CDYL2: variants seen among roughly 807,000 people sequenced by gnomAD.
The protein encoded by CDYL2 is chromodomain Y like 2, also known as chromodomain Y-like protein 2.
Under a neutral mutation model 49.4 loss-of-function variants are expected in CDYL2, and 23 were observed. The ratio of observed to expected loss-of-function variants is 0.47; its 90% CI spans 0.34 to 0.66. The LOEUF (loss-of-function observed/expected upper bound fraction) is 0.66. Ranked by LOEUF, CDYL2 falls within the 30% of genes least tolerant of loss-of-function variation. The pLI is 0.01. For missense variants in CDYL2, 678 were observed against 656.4 expected (o/e 1.03, Z -0.36); for synonymous variants, 360 against 268.8 (o/e 1.34, Z -3.32).
intron 2 of CDYL2, among the ~76,000 whole-genome samples, chr16:80,672,383 C>A (rs1287491213): frequency 6.8e-6 from 1 of 147,482 alleles, no homozygotes; most frequent in East Asian, 2.0e-4. Context: ...GTAGAACAGG[C>A]TTTCCCTTTG....
At chr16:80,623,868 G>A (rs1490134687) in intron 3 of CDYL2, among the ~76,000 whole-genome samples, 1 of 152,146 alleles carries the variant, frequency 6.6e-6, no homozygotes, top group Admixed American at 6.5e-5. Flanking sequence ...TGATAGCAGT[G>A]TGGCTACGGG....
intron 2 of CDYL2, among the ~76,000 whole-genome samples, chr16:80,637,491 T>C (rs573446050): frequency 1.4e-3 from 208 of 152,224 alleles, no homozygotes; most frequent in African/African-American, 4.8e-3. Context: ...AAGACTTGTC[T>C]ACATAGAAAG....
Position 80,598,892 on chromosome 16 carries a change from G to C in CDYL2, c.*5496C>G, listed in dbSNP as rs537647828. 6.6e-6 allele frequency: 1 copy of C among 152,238 alleles called. No homozygotes were observed. The highest frequency in any genetic ancestry group is 1.9e-4 in the East Asian group (1 of 5,186). The allele number at this position is 152,238 out of a possible 1,614,324, so 9.4% of individuals were successfully genotyped here. ...AATCTATGAAACTCAGGCTTTGTTA[G>C]AATAATGGAATTCTTTGGTTCTCGG... On this transcript the variant is annotated 3_prime_UTR_variant, in exon 7 of 7. Coordinates refer to ENST00000570137, the MANE Select transcript of CDYL2 (RefSeq NM_152342.4).
rs1193600646 is a variant in CDYL2, at chr16:80,652,217, G to A, written c.617-18981C>T. 3.9e-5 allele frequency among the ~76,000 whole-genome samples: 6 copies of A among 152,126 alleles called. No individual in the cohort carries two copies. The East Asian group carries it at 1.2e-3, about 29-fold the overall frequency. ...CCTAGGAAACTCTGGAGCAATGGCT[G>A]ACTCTGTAAGTTTATAAGTGCCAGA... On this transcript the variant is annotated intron_variant, in intron 2 of 6. Transcript: ENST00000570137.
At chr16:80,615,207 C>T (rs544923189) in intron 4 of CDYL2, among the ~76,000 whole-genome samples, 241 of 152,314 alleles carry the variant, frequency 1.6e-3, no homozygotes, top group Admixed American at 2.4e-3. Context: ...AGTGGCCCAT[C>T]TCCTGACATC....
chr16:80,662,697 T>C (rs756262361), intron 2 of CDYL2: 14 of 455,008 alleles, frequency 3.1e-5, no homozygotes, highest in Middle Eastern at 3.7e-4. Flanking sequence ...CATATGGCTA[T>C]TGAAATTTTA....
At chr16:80,658,444 T>C (rs1908902508) in intron 2 of CDYL2, among the ~76,000 whole-genome samples, 1 of 152,166 alleles carries the variant, frequency 6.6e-6, no homozygotes, top group Non-Finnish European at 1.5e-5. Flanking sequence ...AGATAAATCT[T>C]GAACTCTTCT....
At chr16:80,678,980 G>A (rs994524875) in intron 2 of CDYL2, among the ~76,000 whole-genome samples, 1 of 150,832 alleles carries the variant, frequency 6.6e-6, no homozygotes, top group Non-Finnish European at 1.5e-5. Flanking sequence ...GATGAAACTG[G>A]AAATCATCAT....
At chr16:80,693,780 C>T (rs1446410371) in intron 1 of CDYL2, among the ~76,000 whole-genome samples, 1 of 152,098 alleles carries the variant, frequency 6.6e-6, no homozygotes, top group African/African-American at 2.4e-5. Flanking sequence ...TTGTCAAAAA[C>T]CACAGAGCTG....
intron 1 of CDYL2, among the ~76,000 whole-genome samples, chr16:80,706,197 G>A (rs9933809): frequency 0.077 from 11,735 of 152,284 alleles, 702 homozygotes; most frequent in African/African-American, 0.17. Context: ...CATTTTAAGA[G>A]GCATAAATCA....
At chr16:80,626,761 G>C (rs2142383593) in intron 3 of CDYL2, among the ~76,000 whole-genome samples, 1 of 152,168 alleles carries the variant, frequency 6.6e-6, no homozygotes, top group East Asian at 1.9e-4. Flanking sequence ...TGGAAGTTAG[G>C]GGGATACTGG....
At chr16:80,714,525 C>T (rs1904730617) in intron 1 of CDYL2, among the ~76,000 whole-genome samples, 2 of 152,050 alleles carry the variant, frequency 1.3e-5, no homozygotes. Context: ...AGGCTGCTGC[C>T]CACCTGGCTG....
chr16:80,719,277 G>T (rs113279143), intron 1 of CDYL2, among the ~76,000 whole-genome samples: 158 of 152,216 alleles, frequency 1.0e-3, no homozygotes, highest in African/African-American at 3.6e-3. Context: ...CCCGGAAGAG[G>T]CTGGGAGCAG....
rs1263421661 is a variant in CDYL2, at chr16:80,706,694, G to C, written c.25-21565C>G. On this transcript the variant is annotated intron_variant, in intron 1 of 6. Transcript: ENST00000570137. ...TCCACAAGTGTACAAGAAATGCCAAGAAGAATGAGATTGAGTCCAGGGACC... is the reference window on the plus strand; with the variant it reads ...TCCACAAGTGTACAAGAAATGCCAACAAGAATGAGATTGAGTCCAGGGACC... Among the ~76,000 whole-genome samples, 3 of 152,168 alleles carry C rather than the reference G, an allele frequency of 2.0e-5. No individual in the cohort carries two copies. In the South Asian group the frequency reaches 6.2e-4, roughly 32 times the overall value.
At position 80,804,583 on chromosome 16, in the gene CDYL2, G is replaced by C. The variant is rs1391153795; in HGVS notation, c.-410C>G. 6.9e-6 allele frequency among the ~76,000 whole-genome samples: 1 copy of C among 145,324 alleles called. No individual in the cohort carries two copies. Among genetic ancestry groups the C allele is most frequent in the Non-Finnish European group, 1.5e-5 (1 of 65,430 alleles). Reference sequence around the variant, plus strand: ...GCCGCCCGGCGCCCGCCGCCGGCCCGGACGCTGCTGCCACTGGGCGAGTCC... The same window carrying C: ...GCCGCCCGGCGCCCGCCGCCGGCCCCGACGCTGCTGCCACTGGGCGAGTCC... On this transcript the variant is annotated 5_prime_UTR_variant, in exon 1 of 7. Coordinates refer to ENST00000570137, the MANE Select transcript of CDYL2 (RefSeq NM_152342.4).
At chr16:80,642,273 T>C (rs1597143542) in intron 2 of CDYL2, among the ~76,000 whole-genome samples, 1 of 152,150 alleles carries the variant, frequency 6.6e-6, no homozygotes, top group East Asian at 1.9e-4. Flanking sequence ...TGAAACCCCA[T>C]CTCTACTAAA....
intron 3 of CDYL2, 38 bp from the exon 4 acceptor site, chr16:80,620,973 C>CT (rs1567543709): frequency 6.5e-7 from 1 of 1,535,908 alleles, no homozygotes; most frequent in Admixed American, 1.9e-5. Context: ...TGTTAAGTGT[C>CT]TATCCTGTAA....
chr16:80,654,798 A>C (rs1908734604), intron 2 of CDYL2, among the ~76,000 whole-genome samples: 1 of 152,220 alleles, frequency 6.6e-6, no homozygotes, highest in Non-Finnish European at 1.5e-5. Flanking sequence ...CCTTACCAAA[A>C]GCAATCAGGC....
Position 80,662,771 on chromosome 16 carries a change from G to A in CDYL2, c.616+21767C>T, listed in dbSNP as rs1040948849. 7.7e-5 allele frequency: 35 copies of A among 455,634 alleles called. No homozygotes were observed. In the Middle Eastern group the frequency reaches 9.7e-4, roughly 13 times the overall value. 28.2% of individuals were successfully genotyped at this position (455,634 alleles called of 1,614,324 possible). On this transcript the variant is annotated intron_variant, in intron 2 of 6. Transcript: ENST00000570137. The stretch of plus-strand genomic sequence containing the variant: ...ACCTGTGGCTGATGGCTACCGTACT[G>A]GACAGTGAAGGGAATCACACTGTAG...
Sources: allele counts gnomAD v4.1 joint callset (sites outside exome capture counted in the v4.1 genomes callset), GRCh38; gene constraint gnomAD v4.1.1; transcripts MANE v1.5; gene names NCBI Gene and HGNC (gene_info 2026-07-23, HGNC 2026-07-21).